Variants in TSPAN9 observed in about 807,000 individuals in gnomAD.
The protein encoded by TSPAN9 is tetraspanin 9, also known as tetraspanin-9.
In TSPAN9, 16 loss-of-function variants were observed where a neutral mutation model predicts 31.0. The ratio of observed to expected loss-of-function variants is 0.52; its 90% CI spans 0.35 to 0.78. The LOEUF (loss-of-function observed/expected upper bound fraction) is 0.78. Ranked by LOEUF, TSPAN9 falls within the 30% of genes least tolerant of loss-of-function variation. The pLI is 0.01. For synonymous variants in TSPAN9, 145 were observed against 121.6 expected (o/e 1.19, Z -1.27); for missense variants, 272 against 312.5 (o/e 0.87, Z 0.98).
Position 3,282,925 on chromosome 12 carries a change from G to A in TSPAN9, c.649-120G>A, listed in dbSNP as rs71577852. The A allele has an allele frequency of 8.6e-4, 775 of 897,306 alleles. 2 individuals are homozygous for A. The highest frequency in any genetic ancestry group is 1.9e-3 in the Middle Eastern group (9 of 4,658). 55.6% of individuals were successfully genotyped at this position (897,306 alleles called of 1,614,324 possible). Reference sequence around the variant, plus strand: ...TCTTCATTCCATAAGCATTTTCCTGGCACACCAGTGGCCATCCCCGCTTGC... The same window carrying A: ...TCTTCATTCCATAAGCATTTTCCTGACACACCAGTGGCCATCCCCGCTTGC... On this transcript the variant is annotated intron_variant, in intron 8 of 8. Coordinates refer to ENST00000011898, the MANE Select transcript of TSPAN9 (RefSeq NM_006675.5).
chr12:3,228,047 T>A (rs985398802), intron 3 of TSPAN9, among the ~76,000 whole-genome samples: 5 of 152,128 alleles, frequency 3.3e-5, no homozygotes, highest in African/African-American at 1.2e-4. Context: ...AAATGCTTTG[T>A]CTGTATTAAA....
chr12:3,117,237 T>C, intron 2 of TSPAN9, among the ~76,000 whole-genome samples: 1 of 152,206 alleles, frequency 6.6e-6, no homozygotes, highest in Non-Finnish European at 1.5e-5. Flanking sequence ...TGACCCATTC[T>C]GCTGGAAGGG....
intron 3 of TSPAN9, among the ~76,000 whole-genome samples, chr12:3,269,249 T>TCC (rs1862618245): frequency 2.3e-5 from 1 of 44,348 alleles, no homozygotes; most frequent in Non-Finnish European, 5.0e-5. Context: ...CAGCCTGCCC[T>TCC]GTGTTCCTGC....
At chr12:3,186,584 A>C (rs951143758) in intron 2 of TSPAN9, among the ~76,000 whole-genome samples, 2 of 150,476 alleles carry the variant, frequency 1.3e-5, no homozygotes, top group Non-Finnish European at 3.0e-5. Context: ...GTGTATACAC[A>C]CAAGTTCTTC....
chr12:3,269,198 C>T (rs1862615786), intron 3 of TSPAN9, among the ~76,000 whole-genome samples: 1 of 82,942 alleles, frequency 1.2e-5, no homozygotes, highest in Admixed American at 1.3e-4. Flanking sequence ...TTCCAGCCTG[C>T]CCTCTCTGTG....
At chr12:3,196,042 C>A (rs574869389) in intron 2 of TSPAN9, among the ~76,000 whole-genome samples, 1 of 152,344 alleles carries the variant, frequency 6.6e-6, no homozygotes, top group South Asian at 2.1e-4. Flanking sequence ...TTGAGGCCCA[C>A]GCCTTGTCTT....
chr12:3,242,249 C>T (rs2098396937), intron 3 of TSPAN9, among the ~76,000 whole-genome samples: 1 of 152,240 alleles, frequency 6.6e-6, no homozygotes. Context: ...TGGGGTTGAG[C>T]TGCTTCAGGG....
At chr12:3,268,300 G>A (rs1183822961) in intron 3 of TSPAN9, among the ~76,000 whole-genome samples, 2 of 134,844 alleles carry the variant, frequency 1.5e-5, no homozygotes, top group African/African-American at 5.8e-5. Context: ...TGCCCCCTCT[G>A]TGTTCCTGCA....
At chr12:3,157,649 A>G (rs559993329) in intron 2 of TSPAN9, among the ~76,000 whole-genome samples, 2 of 152,324 alleles carry the variant, frequency 1.3e-5, no homozygotes, top group African/African-American at 4.8e-5. Flanking sequence ...ACTAAGAAAC[A>G]GACCTACAGA....
chr12:3,081,886 T>C (rs556131025), intron 1 of TSPAN9, among the ~76,000 whole-genome samples: 11 of 146,104 alleles, frequency 7.5e-5, no homozygotes, highest in African/African-American at 2.8e-4. Context: ...TGTGGACCTA[T>C]GGTCCCAGCT....
chr12:3,113,858 C>A (rs2098320576), intron 2 of TSPAN9, among the ~76,000 whole-genome samples: 1 of 152,208 alleles, frequency 6.6e-6, no homozygotes, highest in South Asian at 2.1e-4. Flanking sequence ...GGTCCAGAGG[C>A]AAGTCCTTCT....
chr12:3,090,455 C>T (rs1036353302), intron 2 of TSPAN9, among the ~76,000 whole-genome samples: 8 of 152,240 alleles, frequency 5.3e-5, no homozygotes, highest in Admixed American at 3.3e-4. Flanking sequence ...ATCATATATC[C>T]GGTGGTTGGT....
chr12:3,155,507 G>A (rs1462996878), intron 2 of TSPAN9, among the ~76,000 whole-genome samples: 1 of 152,106 alleles, frequency 6.6e-6, no homozygotes, highest in African/African-American at 2.4e-5. Flanking sequence ...GCCGAGGCGG[G>A]AGGATCCCTT....
intron 3 of TSPAN9, among the ~76,000 whole-genome samples, chr12:3,244,078 G>A (rs1280490831): frequency 2.0e-5 from 3 of 152,206 alleles, no homozygotes; most frequent in African/African-American, 7.2e-5. Flanking sequence ...AGCAGGGCCT[G>A]TCTGGGAGCA....
At chr12:3,263,676 G>A (rs1862490653) in intron 3 of TSPAN9, among the ~76,000 whole-genome samples, 2 of 152,146 alleles carry the variant, frequency 1.3e-5, no homozygotes, top group Non-Finnish European at 2.9e-5. Flanking sequence ...TGATACTAGG[G>A]AATTGTGCAG....
intron 2 of TSPAN9, among the ~76,000 whole-genome samples, chr12:3,146,524 A>G (rs1248535554): frequency 6.6e-6 from 1 of 152,204 alleles, no homozygotes; most frequent in Non-Finnish European, 1.5e-5. Flanking sequence ...CATGGAATCC[A>G]AGATCCGATT....
chr12:3,164,733 A>C (rs73249034), intron 2 of TSPAN9, among the ~76,000 whole-genome samples: 6,288 of 152,142 alleles, frequency 0.041, 432 homozygotes, highest in African/African-American at 0.14. Context: ...TAACTCTGCA[A>C]CCAGACTGAG....
At chr12:3,223,783 G>A (rs936906884) in intron 3 of TSPAN9, among the ~76,000 whole-genome samples, 1 of 152,184 alleles carries the variant, frequency 6.6e-6, no homozygotes, top group African/African-American at 2.4e-5. Context: ...CCGTGGCGGC[G>A]GCAGCTTGTT....
At chr12:3,167,292 G>C (rs1417717045) in intron 2 of TSPAN9, among the ~76,000 whole-genome samples, 1 of 152,218 alleles carries the variant, frequency 6.6e-6, no homozygotes, top group Admixed American at 6.5e-5. Flanking sequence ...TGAGCAGTAG[G>C]AATGGGATTT....
Sources: allele counts gnomAD v4.1 joint callset (sites outside exome capture counted in the v4.1 genomes callset), GRCh38; gene constraint gnomAD v4.1.1; transcripts MANE v1.5; gene names NCBI Gene and HGNC (gene_info 2026-07-23, HGNC 2026-07-21).